The following SASH1 variants were observed in gnomAD, a reference collection of about 807,000 sequenced individuals.
The protein encoded by SASH1 is SAM and SH3 domain-containing protein 1.
SASH1 carries 44 observed loss-of-function variants against 125.2 expected under a neutral mutation model. That is an observed-to-expected ratio of 0.35 (90% CI 0.28 to 0.45). SASH1 has a LOEUF of 0.45. Ranked by LOEUF, SASH1 falls within the 20% of genes least tolerant of loss-of-function variation. The pLI is 1.00. For missense variants in SASH1, 1,426 were observed against 1,614.5 expected (o/e 0.88, Z 2.00); for synonymous variants, 639 against 649.1 (o/e 0.98, Z 0.24).
chr6:148,416,271 G>A (rs1018318803), intron 2 of SASH1, among the ~76,000 whole-genome samples: 19 of 152,008 alleles, frequency 1.2e-4, no homozygotes, highest in Admixed American at 2.6e-4. Flanking sequence ...AGGTTTCCCT[G>A]AAACTTGGCA....
chr6:148,383,891 G>A (rs139930298), intron 1 of SASH1, among the ~76,000 whole-genome samples: 21 of 152,244 alleles, frequency 1.4e-4, no homozygotes, highest in South Asian at 4.2e-4. Flanking sequence ...TGAACTGCTC[G>A]GTACAATGCC....
intron 1 of SASH1, among the ~76,000 whole-genome samples, chr6:148,294,155 C>A (rs1381064108): frequency 6.6e-6 from 1 of 152,176 alleles, no homozygotes; most frequent in African/African-American, 2.4e-5. Context: ...TCTAAAGAGG[C>A]GTGCTTGGAT....
chr6:148,456,742 G>A (rs1583191164), intron 4 of SASH1, among the ~76,000 whole-genome samples: 1 of 151,790 alleles, frequency 6.6e-6, no homozygotes, highest in African/African-American at 2.4e-5. Flanking sequence ...CGCGCCTGTA[G>A]TCCCAGCTAT....
intron 2 of SASH1, among the ~76,000 whole-genome samples, chr6:148,435,972 A>T (rs1375663522): frequency 6.6e-6 from 1 of 152,218 alleles, no homozygotes; most frequent in Non-Finnish European, 1.5e-5. Context: ...AAGCCACGAG[A>T]TAATCCTTCC....
chr6:148,486,936 A>AATATATATAT (rs68036618), intron 7 of SASH1, among the ~76,000 whole-genome samples: 1 of 62,040 alleles, frequency 1.6e-5, no homozygotes, highest in African/African-American at 8.3e-5. Flanking sequence ...AACAACAACA[A>AATATATATAT]ATATATATAT....
intron 2 of SASH1, among the ~76,000 whole-genome samples, chr6:148,401,186 A>G (rs1784153248): frequency 6.6e-6 from 1 of 151,712 alleles, no homozygotes. Flanking sequence ...CTTAGGAGGC[A>G]GAGGTTGCAG....
chr6:148,266,678 G>A, the SASH1 span, among the ~76,000 whole-genome samples: 1 of 152,122 alleles, frequency 6.6e-6, no homozygotes, highest in Admixed American at 6.5e-5. Flanking sequence ...ATGGCTCACT[G>A]CAGCCTCAAC....
intron 1 of SASH1, among the ~76,000 whole-genome samples, chr6:148,352,773 G>A (rs1335962302): frequency 3.3e-5 from 5 of 151,600 alleles, no homozygotes; most frequent in African/African-American, 4.8e-5. Flanking sequence ...GTTCAAGACC[G>A]GCCTGGCCAA....
chr6:148,523,556 TAGCAGC>T (rs369288890), intron 10 of SASH1, among the ~76,000 whole-genome samples: 2 of 152,006 alleles, frequency 1.3e-5, no homozygotes, highest in Non-Finnish European at 2.9e-5. Flanking sequence ...AAGTCGGTAG[TAGCAGC>T]AGCAGCAGCA....
At chr6:148,460,879 T>C (rs762889583) in intron 4 of SASH1, among the ~76,000 whole-genome samples, 1 of 152,322 alleles carries the variant, frequency 6.6e-6, no homozygotes, top group Middle Eastern at 3.4e-3. Flanking sequence ...GAGAGGTTAA[T>C]GATAAAATAA....
chr6:148,420,037 T>C (rs1332430034), intron 2 of SASH1, among the ~76,000 whole-genome samples: 3 of 152,142 alleles, frequency 2.0e-5, no homozygotes, highest in African/African-American at 7.2e-5. Flanking sequence ...TATAATACAG[T>C]AAAAAAGAAG....
At chr6:148,449,329 C>T (rs866348072) in intron 4 of SASH1, among the ~76,000 whole-genome samples, 24 of 151,606 alleles carry the variant, frequency 1.6e-4, no homozygotes, top group Middle Eastern at 6.8e-3. Flanking sequence ...CTCAGCCCCC[C>T]GAAGTGCTAG....
At chr6:148,410,121 T>C (rs1406575109) in intron 2 of SASH1, among the ~76,000 whole-genome samples, 3 of 126,104 alleles carry the variant, frequency 2.4e-5, no homozygotes, top group Non-Finnish European at 5.1e-5. Flanking sequence ...TTTTTTTTTT[T>C]TTTTTTTGAG....
intron 1 of SASH1, among the ~76,000 whole-genome samples, chr6:148,371,944 T>C (rs1437614273): frequency 6.6e-6 from 1 of 152,160 alleles, no homozygotes; most frequent in Non-Finnish European, 1.5e-5. Flanking sequence ...GTAGTAGTTA[T>C]TCACTTACAA....
At chr6:148,470,270 T>C (rs768869164) in intron 5 of SASH1, among the ~76,000 whole-genome samples, 27 of 152,148 alleles carry the variant, frequency 1.8e-4, no homozygotes, top group Non-Finnish European at 2.6e-4. Flanking sequence ...AAAACTTAAA[T>C]GTGAGGGCAT....
At chr6:148,340,283 G>A (rs534610057), upstream of SASH1, among the ~76,000 whole-genome samples, 4 of 152,146 alleles carry the variant, frequency 2.6e-5, no homozygotes, top group East Asian at 5.8e-4. Flanking sequence ...AGGAGTTCGA[G>A]ACCAGCCTGA....
At chr6:148,360,584 G>A (rs1782151413) in intron 1 of SASH1, among the ~76,000 whole-genome samples, 1 of 151,436 alleles carries the variant, frequency 6.6e-6, no homozygotes, top group African/African-American at 2.4e-5. Context: ...ACTCCTGACT[G>A]CCAGTGATCT....
intron 1 of SASH1, among the ~76,000 whole-genome samples, chr6:148,374,709 G>A (rs908441449): frequency 6.6e-6 from 1 of 151,536 alleles, no homozygotes; most frequent in African/African-American, 2.4e-5. Flanking sequence ...TTTTTTGGGG[G>A]GGGGGGAGAT....
chr6:148,203,729 A>G, the SASH1 span, among the ~76,000 whole-genome samples: 9 of 152,228 alleles, frequency 5.9e-5, no homozygotes, highest in African/African-American at 1.7e-4. Context: ...TTCTTGAAGT[A>G]AAAATGGGCT....
Sources: gnomAD v4.1 joint callset for allele counts (sites outside exome capture counted in the v4.1 genomes callset) on GRCh38, gnomAD v4.1.1 for gene constraint, MANE v1.5 for transcripts, NCBI Gene and HGNC (gene_info 2026-07-23, HGNC 2026-07-21) for gene names.